WDFY3: variants seen among roughly 807,000 people sequenced by gnomAD.
The protein encoded by WDFY3 is WD repeat and FYVE domain-containing protein 3.
A neutral mutation model predicts 409.6 loss-of-function variants in WDFY3; 66 were observed. That is an observed-to-expected ratio of 0.16 (90% CI 0.13 to 0.20). WDFY3 has a LOEUF of 0.20. WDFY3 is among the 10% of genes least tolerant of loss of function. The pLI is 1.00. For missense variants in WDFY3, 3,031 were observed against 4,298.1 expected, an observed-to-expected ratio of 0.71 and a Z score of 8.24; for synonymous variants, 1,521 against 1,537.1, an observed-to-expected ratio of 0.99 and a Z score of 0.25.
At chr4:84,789,609 A>G (rs1748128231) in intron 22 of WDFY3, 117 bp downstream of exon 22, 5 of 1,126,780 alleles carry the variant, frequency 4.4e-6, no homozygotes, top group Non-Finnish European at 6.2e-6. Context: ...AAATTAAGAA[A>G]GTAATTTTAA....
chr4:84,828,871 G>C (rs1433852284), intron 9 of WDFY3, 133 bp downstream of exon 9: 3 of 885,894 alleles, frequency 3.4e-6, no homozygotes, highest in African/African-American at 3.5e-5. Flanking sequence ...AAAAAGAAGG[G>C]AGTAAAGCCA....
chr4:84,712,392 A>T (rs1430386026), intron 51 of WDFY3, among the ~76,000 whole-genome samples: 15 of 150,796 alleles, frequency 9.9e-5, no homozygotes, highest in Non-Finnish European at 3.0e-5. Flanking sequence ...AAAAAAAAAA[A>T]AAAGAAGAAT....
intron 5 of WDFY3, among the ~76,000 whole-genome samples, chr4:84,842,217 C>T (rs192001826): frequency 9.4e-4 from 143 of 152,254 alleles, no homozygotes; most frequent in African/African-American, 3.3e-3. Context: ...TGGCTCACAC[C>T]TGTAATCCCA....
chr4:84,841,739 G>A (rs1394827049), intron 5 of WDFY3, among the ~76,000 whole-genome samples: 3 of 152,176 alleles, frequency 2.0e-5, no homozygotes, highest in African/African-American at 7.2e-5. Context: ...CAACAGTAGT[G>A]ATTTAAAAAA....
intron 1 of WDFY3, among the ~76,000 whole-genome samples, chr4:84,965,094 A>C (rs1395720224): frequency 6.6e-6 from 1 of 152,180 alleles, no homozygotes; most frequent in Non-Finnish European, 1.5e-5. Flanking sequence ...GCACTAATAC[A>C]ACATGTTTTT....
chr4:84,750,465 A>G (rs1159172761), intron 36 of WDFY3, among the ~76,000 whole-genome samples: 1 of 151,830 alleles, frequency 6.6e-6, no homozygotes, highest in East Asian at 1.9e-4. Flanking sequence ...CACTAGAGGG[A>G]GCACAAAAAA....
Position 84,794,634 on chromosome 4 carries a change from A to G in WDFY3, c.3372T>C (p.Thr1124=), listed in dbSNP as rs776416850. 6.2e-7 allele frequency: 1 copy of G among 1,614,166 alleles called. No individual in the cohort carries two copies. The highest frequency in any genetic ancestry group is 1.7e-5 in the Admixed American group (1 of 60,014). Residue 1124 remains threonine (T), a synonymous_variant, in exon 21 of 68, where the codon ACT becomes ACC. Transcript: ENST00000295888. ...CAGAAGAATTTGCTCGGCGCACAAC[A>G]GTAAGAAGTCTGACAGGGTGGTTAT... ...PPNNHPVRLL[T]VVRRANSSEQ... is the part of the protein sequence containing the mutation.
rs1040183799 is a variant in WDFY3 at position 84,929,319 on chromosome 4, A to T, written c.-132+2951T>A. ...AGATGACACCACAGGCCTAGCAGAT[A>T]TGTTAGGTGCAGCTTTGTGAGAGAT... On this transcript the variant is annotated intron_variant, in intron 2 of 67. Coordinates refer to ENST00000295888, the MANE Select transcript of WDFY3 (RefSeq NM_014991.6). Among the ~76,000 whole-genome samples, 4 of 152,164 alleles carry T rather than the reference A, an allele frequency of 2.6e-5. No homozygotes were observed. In the East Asian group the frequency reaches 7.7e-4, roughly 29 times the overall value.
At chr4:84,823,894 A>G (rs772029540) in intron 10 of WDFY3, among the ~76,000 whole-genome samples, 7 of 152,186 alleles carry the variant, frequency 4.6e-5, no homozygotes, top group Non-Finnish European at 8.8e-5. Context: ...TACATTTACC[A>G]TATGATCTAG....
At chr4:84,798,626 T>A (rs1345623020) in intron 17 of WDFY3, among the ~76,000 whole-genome samples, 1 of 152,240 alleles carries the variant, frequency 6.6e-6, no homozygotes, top group Non-Finnish European at 1.5e-5. Context: ...GTGTTTTTGT[T>A]CCTTCTTTAA....
chr4:84,731,726 G>T (rs1223194252), intron 44 of WDFY3, among the ~76,000 whole-genome samples: 1 of 152,136 alleles, frequency 6.6e-6, no homozygotes, highest in African/African-American at 2.4e-5. Context: ...GTTTTTATCT[G>T]ATATAGAAGT....
At chr4:84,919,313 CAG>C (rs1409072876) in intron 2 of WDFY3, among the ~76,000 whole-genome samples, 2 of 152,136 alleles carry the variant, frequency 1.3e-5, no homozygotes, top group South Asian at 2.1e-4. Context: ...CTGGTAAATG[CAG>C]AGAGAGTAAA....
intron 2 of WDFY3, among the ~76,000 whole-genome samples, chr4:84,929,472 C>T (rs527896724): frequency 3.3e-5 from 5 of 150,552 alleles, no homozygotes; most frequent in Admixed American, 6.6e-5. Flanking sequence ...GAATTGCGCC[C>T]CCCCCCCCAA....
chr4:84,684,467 T>C (rs1421794183), intron 62 of WDFY3, among the ~76,000 whole-genome samples: 1 of 152,104 alleles, frequency 6.6e-6, no homozygotes, highest in Non-Finnish European at 1.5e-5. Flanking sequence ...CTCTTCTTCC[T>C]CCCATTGTTA....
At chr4:84,774,299 T>G (rs1490713088) in intron 29 of WDFY3, among the ~76,000 whole-genome samples, 3 of 152,228 alleles carry the variant, frequency 2.0e-5, no homozygotes, top group Non-Finnish European at 4.4e-5. Context: ...ATAAGAACAT[T>G]TCTACAGACA....
At chr4:84,757,332 A>G (rs1380719846) in intron 32 of WDFY3, among the ~76,000 whole-genome samples, 171 bp from the exon 33 acceptor site, 1 of 152,228 alleles carries the variant, frequency 6.6e-6, no homozygotes, top group African/African-American at 2.4e-5. Context: ...TAAAAGTTTT[A>G]CTTTACAATT....
intron 66 of WDFY3, among the ~76,000 whole-genome samples, chr4:84,677,961 C>CAAAAAAAAAAAA (rs986393073): frequency 1.1e-3 from 24 of 21,162 alleles, no homozygotes; most frequent in Non-Finnish European, 1.5e-3. Context: ...GACCCTGTCT[C>CAAAAAAAAAAAA]AAAAAAAAAA....
At chr4:84,743,905 T>C (rs1738879906) in intron 36 of WDFY3, 106 bp from the exon 37 acceptor site, 5 of 667,190 alleles carry the variant, frequency 7.5e-6, no homozygotes, top group African/African-American at 3.8e-5. Flanking sequence ...AAAATTCTAC[T>C]AATAAATTTG....
intron 2 of WDFY3, among the ~76,000 whole-genome samples, chr4:84,921,404 A>C (rs892011164): frequency 6.6e-6 from 1 of 152,072 alleles, no homozygotes; most frequent in Admixed American, 6.6e-5. Context: ...AGGGAAAAGA[A>C]GAAAACTCTA....
Sources: gnomAD v4.1 joint callset for allele counts (sites outside exome capture counted in the v4.1 genomes callset) on GRCh38, gnomAD v4.1.1 for gene constraint, MANE v1.5 for transcripts, NCBI Gene and HGNC (gene_info 2026-07-23, HGNC 2026-07-21) for gene names.